Variants in ABHD12 observed in about 807,000 individuals in gnomAD.
ABHD12 encodes lysophosphatidylserine lipase ABHD12.
A neutral mutation model predicts 58.3 loss-of-function variants in ABHD12; 43 were observed. The ratio of observed to expected loss-of-function variants is 0.74; its 90% CI spans 0.58 to 0.95. The LOEUF (loss-of-function observed/expected upper bound fraction) is 0.95, where lower values mean the gene tolerates loss of function less well. Ranked by LOEUF, ABHD12 falls within the 40% of genes least tolerant of loss-of-function variation. The pLI is 0.00. For synonymous variants in ABHD12, 219 were observed against 211.2 expected, an observed-to-expected ratio of 1.04 and a Z score of -0.32; for missense variants, 539 against 537.2, an observed-to-expected ratio of 1.00 and a Z score of -0.03.
chr20:25,390,535 C>CCG lies in ABHD12; in HGVS notation c.167_168dup (p.Gly57ArgfsTer3). The CCG allele has an allele frequency of 6.8e-7, 1 of 1,468,430 alleles. No individual in the cohort carries two copies. 91.0% of individuals were successfully genotyped at this position (1,468,430 alleles called of 1,614,324 possible). On this transcript the variant is annotated frameshift_variant, in exon 1 of 13. Transcript: ENST00000339157. LOFTEE classifies it high-confidence loss of function. Reference sequence around the variant, plus strand: ...CACCTGCCCAGCGCCCGCTTCATTCCCGCGTCGGCTGCGCAGCGCGGCTCA... The same window carrying CCG: ...CACCTGCCCAGCGCCCGCTTCATTCCCGCGCGTCGGCTGCGCAGCGCGGCTCA...
intron 1 of ABHD12, among the ~76,000 whole-genome samples, chr20:25,352,242 T>C (rs2089610460): frequency 6.6e-6 from 1 of 151,936 alleles, no homozygotes; most frequent in Non-Finnish European, 1.5e-5. Context: ...TCCACTCGCC[T>C]TGGCCTCCCA....
At chr20:25,381,481 T>G (rs1211953772) in intron 1 of ABHD12, among the ~76,000 whole-genome samples, 1 of 152,110 alleles carries the variant, frequency 6.6e-6, no homozygotes, top group Non-Finnish European at 1.5e-5. Flanking sequence ...CTACAAATGC[T>G]CTAATACCAA....
intron 1 of ABHD12, chr20:25,368,218 C>A (rs1239841182): frequency 7.3e-7 from 1 of 1,362,012 alleles, no homozygotes; most frequent in Non-Finnish European, 1.0e-6. Context: ...GAGGGGTGCT[C>A]TCCTGAGCTA....
rs1024517675 is a variant in ABHD12 at position 25,294,945 on chromosome 20, C to T, written c.*28G>A. ...AGTTTTAGTTTTGTCTGCTGCTCTTCGATGACCGTGTCACCTGTTGGCTTC... is the reference window on the plus strand; with the variant it reads ...AGTTTTAGTTTTGTCTGCTGCTCTTTGATGACCGTGTCACCTGTTGGCTTC... On this transcript the variant is annotated 3_prime_UTR_variant, in exon 13 of 13. Coordinates refer to the ABHD12 transcript ENST00000376542. The T allele has an allele frequency of 4.3e-6, 7 of 1,613,638 alleles. No homozygotes were observed. The African/African-American group carries it at 5.3e-5, about 12-fold the overall frequency.
intron 12 of ABHD12, 109 bp downstream of exon 12, chr20:25,302,110 G>T: frequency 1.3e-6 from 2 of 1,496,624 alleles, no homozygotes; most frequent in Non-Finnish European, 1.8e-6. Context: ...TGTGACTCTT[G>T]GCCCCACTGA....
chr20:25,352,937 T>C (rs1030121168), intron 1 of ABHD12, among the ~76,000 whole-genome samples: 4 of 152,090 alleles, frequency 2.6e-5, no homozygotes, highest in Admixed American at 2.0e-4. Context: ...CCAGCTACTC[T>C]GAAGGCTGAG....
intron 3 of ABHD12, among the ~76,000 whole-genome samples, chr20:25,322,890 T>G (rs559520001): frequency 9.9e-5 from 15 of 151,872 alleles, no homozygotes; most frequent in Non-Finnish European, 2.1e-4. Context: ...GCCTGGCTAA[T>G]TTTTGTATTT....
At chr20:25,371,582 G>C (rs1346839435) in intron 1 of ABHD12, among the ~76,000 whole-genome samples, 3 of 152,132 alleles carry the variant, frequency 2.0e-5, no homozygotes, top group Non-Finnish European at 2.9e-5. Flanking sequence ...AATGGGGACT[G>C]ACCTAATATT....
At position 25,302,361 on chromosome 20, in the gene ABHD12, G is replaced by A. The variant is rs778798173; in HGVS notation, c.1030-15C>T. The A allele has an allele frequency of 2.5e-6, 4 of 1,612,256 alleles. No individual in the cohort carries two copies. In the African/African-American group the frequency reaches 5.3e-5, roughly 22 times the overall value. ...ATGCTATAGAGCTGGGGAGAGAGGG[G>A]TCAGAGCCTGAGGCAGTGGCCTGGC... On this transcript the variant is annotated splice_polypyrimidine_tract_variant and intron_variant, in intron 11 of 12. Transcript: ENST00000339157.
chr20:25,322,375 A>ATT (rs1176187862), intron 3 of ABHD12, among the ~76,000 whole-genome samples: 3 of 43,262 alleles, frequency 6.9e-5, no homozygotes, highest in African/African-American at 1.1e-4. Flanking sequence ...ATATATATAT[A>ATT]TATATATTTT....
At chr20:25,348,192 A>G (rs6050556) in intron 1 of ABHD12, among the ~76,000 whole-genome samples, 81,618 of 151,130 alleles carry the variant, frequency 0.54, 22,635 homozygotes, top group Admixed American at 0.61. Flanking sequence ...CATGGGCAAC[A>G]GAGCAAGACT....
chr20:25,330,863 A>G (rs1025787099), intron 2 of ABHD12, among the ~76,000 whole-genome samples: 1 of 144,822 alleles, frequency 6.9e-6, no homozygotes, highest in African/African-American at 2.9e-5. Context: ...AAAGATGGGG[A>G]AAAAAAAGAG....
chr20:25,368,276 T>C, intron 1 of ABHD12: 3 of 1,532,176 alleles, frequency 2.0e-6, no homozygotes, highest in Admixed American at 3.3e-5. Context: ...TCAAACTTAT[T>C]AGAGTTGTTC....
At chr20:25,336,096 C>T (rs1472518496) in intron 2 of ABHD12, among the ~76,000 whole-genome samples, 1 of 152,110 alleles carries the variant, frequency 6.6e-6, no homozygotes, top group East Asian at 1.9e-4. Context: ...CAAATAACGG[C>T]TGGGAAGATA....
intron 2 of ABHD12, among the ~76,000 whole-genome samples, chr20:25,335,222 G>T (rs1406583662): frequency 6.6e-6 from 1 of 152,206 alleles, no homozygotes; most frequent in East Asian, 1.9e-4. Flanking sequence ...ACCATCACTG[G>T]CCATTGGAGA....
Position 25,302,290 on chromosome 20 carries a change from C to T in ABHD12, c.1086G>A (p.Val362=), listed in dbSNP as rs1204717697. 1 of 1,613,866 alleles carries T rather than the reference C, an allele frequency of 6.2e-7. No homozygotes were observed. The highest frequency in any genetic ancestry group is 1.7e-5 in the Admixed American group (1 of 60,024). The part of the protein sequence containing the change: ...RSFRDFKVQF[V]PFHSDLGYRH... ...TGTAGCCAAGGTCTGAATGAAAGGG[C>T]ACAAACTGAACTTTGAAATCTCGGA... is the stretch of plus-strand genomic sequence containing the variant. The change falls in exon 12 of 13, where the codon GTG becomes GTA. Residue 362 remains valine, a synonymous_variant. Coordinates refer to ENST00000339157, the MANE Select transcript of ABHD12 (RefSeq NM_001042472.3).
intron 2 of ABHD12, among the ~76,000 whole-genome samples, chr20:25,332,414 A>T (rs2089293007): frequency 1.3e-5 from 2 of 152,128 alleles, no homozygotes; most frequent in South Asian, 4.2e-4. Flanking sequence ...GAAAGTCAAC[A>T]AGGATACCCA....
Position 25,371,821 on chromosome 20 carries a change from C to T in ABHD12, c.191+18692G>A, listed in dbSNP as rs192919562. On this transcript the variant is annotated intron_variant, in intron 1 of 12. Transcript: ENST00000339157. ...TGCCCCAGTCTCCCAAACTGCTGGG[C>T]TTGCAGGCATAAGCCACAGTGCCTG... Among the ~76,000 whole-genome samples the T allele has an allele frequency of 5.3e-5, 8 of 152,296 alleles. No homozygotes were observed. The East Asian group carries it at 1.4e-3, about 26-fold the overall frequency.
rs991693682 is a variant in ABHD12 at position 25,308,376 on chromosome 20, G to A, written c.787+81C>T. 2.2e-5 allele frequency: 33 copies of A among 1,527,392 alleles called. No homozygotes were observed. In the African/African-American group the frequency reaches 2.7e-4, roughly 13 times the overall value. 94.6% of individuals were successfully genotyped at this position (1,527,392 alleles called of 1,614,324 possible). A position where few individuals can be genotyped will look rare whatever the true frequency, so the allele number is the denominator to read the frequency against. On this transcript the variant is annotated intron_variant, in intron 8 of 12. Coordinates refer to ENST00000339157, the MANE Select transcript of ABHD12 (RefSeq NM_001042472.3). ...GCAGCTCATGCTGCTCCATGAGGAC[G>A]CTGAGCACTTGCAGCAGGGCCGGGA... is the stretch of plus-strand genomic sequence containing the variant.
Sources: allele counts gnomAD v4.1 joint callset (sites outside exome capture counted in the v4.1 genomes callset), GRCh38; gene constraint gnomAD v4.1.1; transcripts MANE v1.5; gene names NCBI Gene and HGNC (gene_info 2026-07-23, HGNC 2026-07-21).